SGMS1: variants seen among roughly 807,000 people sequenced by gnomAD.
SGMS1 encodes the protein phosphatidylcholine:ceramide cholinephosphotransferase 1.
A neutral mutation model predicts 46.2 loss-of-function variants in SGMS1; 13 were observed. That is an observed-to-expected ratio of 0.28 (90% CI 0.18 to 0.45). The LOEUF (loss-of-function observed/expected upper bound fraction) is 0.45, where lower values mean the gene tolerates loss of function less well. SGMS1 is among the 20% of genes least tolerant of loss of function. The pLI is 1.00. For missense variants in SGMS1, 324 were observed against 519.9 expected (o/e 0.62, Z 3.66); for synonymous variants, 203 against 187.8 (o/e 1.08, Z -0.66).
chr10:50,590,037 A>G (rs1157321160), intron 2 of SGMS1, 116 bp downstream of exon 2: 1 of 152,340 alleles, frequency 6.6e-6, no homozygotes, highest in Non-Finnish European at 1.5e-5. Context: ...CAAAATGCTA[A>G]TAACTGTTAA....
intron 8 of SGMS1, among the ~76,000 whole-genome samples, chr10:50,321,297 G>C (rs1847439280): frequency 6.6e-6 from 1 of 152,184 alleles, no homozygotes; most frequent in Non-Finnish European, 1.5e-5. Context: ...ATACTGAATT[G>C]TTAATAGTAG....
chr10:50,454,986 C>G (rs1349271868), intron 5 of SGMS1, among the ~76,000 whole-genome samples: 1 of 152,192 alleles, frequency 6.6e-6, no homozygotes, highest in Non-Finnish European at 1.5e-5. Context: ...TTACCTCCCT[C>G]TTTATTACTT....
rs780069182 is a variant in SGMS1, at chr10:50,327,283, C to A, written c.663G>T (p.Thr221=). The change falls in exon 8 of 11, where the codon ACG becomes ACT. Residue 221 remains threonine, a synonymous_variant. Coordinates refer to ENST00000361781, the MANE Select transcript of SGMS1 (RefSeq NM_147156.4). ...TTGTAATACACCGATACAGGTACAGCGTGCCAACTATGCAGAAAAATCTTC... is the reference window on the plus strand; with the variant it reads ...TTGTAATACACCGATACAGGTACAGAGTGCCAACTATGCAGAAAAATCTTC... The part of the protein sequence containing the change: ...ISRRFFCIVG[T]LYLYRCITMY... 2.5e-6 allele frequency: 4 copies of A among 1,609,468 alleles called. No homozygotes were observed. The highest frequency in any genetic ancestry group is 3.4e-6 in the Non-Finnish European group (4 of 1,177,764).
chr10:50,432,068 A>G (rs2133616708), intron 6 of SGMS1, among the ~76,000 whole-genome samples: 1 of 152,308 alleles, frequency 6.6e-6, no homozygotes, highest in Non-Finnish European at 1.5e-5. Flanking sequence ...TCATCAAATG[A>G]AACTCTTACC....
intron 6 of SGMS1, among the ~76,000 whole-genome samples, chr10:50,369,902 G>C (rs1394628957): frequency 6.6e-6 from 1 of 152,172 alleles, no homozygotes; most frequent in African/African-American, 2.4e-5. Context: ...TACATACCTA[G>C]GCTGTATGGT....
chr10:50,440,187 G>A (rs1378114040), intron 5 of SGMS1, among the ~76,000 whole-genome samples: 1 of 151,870 alleles, frequency 6.6e-6, no homozygotes, highest in African/African-American at 2.4e-5. Context: ...GTAGCAATGA[G>A]AGGTATCAAT....
chr10:50,398,867 T>C (rs963520792), intron 6 of SGMS1, among the ~76,000 whole-genome samples: 33 of 152,240 alleles, frequency 2.2e-4, no homozygotes, highest in African/African-American at 6.5e-4. Context: ...AGGAGTTGTA[T>C]ATAGGCCAAA....
chr10:50,551,331 A>G (rs1838147128), intron 2 of SGMS1, among the ~76,000 whole-genome samples: 1 of 151,486 alleles, frequency 6.6e-6, no homozygotes, highest in Non-Finnish European at 1.5e-5. Context: ...ATTAAGGGAC[A>G]TTCTATGAAA....
chr10:50,594,065 G>A (rs970532921), intron 1 of SGMS1, among the ~76,000 whole-genome samples: 2 of 152,148 alleles, frequency 1.3e-5, no homozygotes, highest in South Asian at 2.1e-4. Flanking sequence ...CTCTTTAGCC[G>A]CCTTTCCAGT....
chr10:50,583,405 C>G (rs921237083), intron 2 of SGMS1, among the ~76,000 whole-genome samples: 3 of 152,222 alleles, frequency 2.0e-5, no homozygotes, highest in Admixed American at 6.5e-5. Context: ...TCCCAGCTAT[C>G]ATCAGTTCAT....
At chr10:50,348,106 G>T (rs1295592735) in intron 6 of SGMS1, among the ~76,000 whole-genome samples, 1 of 152,230 alleles carries the variant, frequency 6.6e-6, no homozygotes, top group East Asian at 1.9e-4. Flanking sequence ...GTGAGAACAT[G>T]TGGTTTTTGG....
At chr10:50,625,141 C>T, upstream of SGMS1, 2 of 866,914 alleles carry the variant, frequency 2.3e-6, no homozygotes, top group Non-Finnish European at 1.4e-6. Flanking sequence ...AGGACAGGTT[C>T]TCGCCCGGGC....
At chr10:50,602,965 T>C (rs1588889747) in intron 1 of SGMS1, among the ~76,000 whole-genome samples, 1 of 152,148 alleles carries the variant, frequency 6.6e-6, no homozygotes, top group South Asian at 2.1e-4. Flanking sequence ...AAGGTGAAAA[T>C]GAACGAGTTT....
At position 50,530,176 on chromosome 10, in the gene SGMS1, A is replaced by T. The variant is rs142220694; in HGVS notation, c.-588-10255T>A. 3.3e-3 allele frequency among the ~76,000 whole-genome samples: 508 copies of T among 152,254 alleles called. 2 individuals are homozygous for T. Among genetic ancestry groups the T allele is most frequent in the African/African-American group, 0.011 (475 of 41,548 alleles). ...ATTATTTTAGATGAGCTTCATCAGA[A>T]TTTTTTTGGCCCTAGTGTTTCCTCC... On this transcript the variant is annotated intron_variant, in intron 2 of 10. Coordinates refer to ENST00000361781, the MANE Select transcript of SGMS1 (RefSeq NM_147156.4).
intron 3 of SGMS1, among the ~76,000 whole-genome samples, chr10:50,481,498 T>A (rs949959583): frequency 5.3e-5 from 8 of 151,444 alleles, no homozygotes; most frequent in African/African-American, 1.9e-4. Flanking sequence ...AACAACAACA[T>A]CAACAAAAAA....
chr10:50,582,452 G>A (rs566983314), intron 2 of SGMS1, among the ~76,000 whole-genome samples: 1 of 152,246 alleles, frequency 6.6e-6, no homozygotes, highest in Non-Finnish European at 1.5e-5. Context: ...GCACTCTGCA[G>A]TGGTCCAAAC....
chr10:50,612,058 C>T (rs1054499763), intron 1 of SGMS1, among the ~76,000 whole-genome samples: 185 of 152,362 alleles, frequency 1.2e-3, no homozygotes, highest in African/African-American at 4.3e-3. Context: ...CCCTCCCCAC[C>T]ACTTCCTTAG....
At chr10:50,377,594 CT>C (rs1410116923) in intron 6 of SGMS1, among the ~76,000 whole-genome samples, 6 of 152,136 alleles carry the variant, frequency 3.9e-5, no homozygotes, top group Non-Finnish European at 7.4e-5. Context: ...AGATTTTGGA[CT>C]CTATCTTGAA....
intron 2 of SGMS1, among the ~76,000 whole-genome samples, chr10:50,556,637 G>A (rs113241495): frequency 0.012 from 1,775 of 152,282 alleles, 29 homozygotes; most frequent in African/African-American, 0.041. Context: ...CCGTAGGCCC[G>A]CACAGACGCA....
Sources: allele counts gnomAD v4.1 joint callset (sites outside exome capture counted in the v4.1 genomes callset), GRCh38; gene constraint gnomAD v4.1.1; transcripts MANE v1.5; gene names NCBI Gene and HGNC (gene_info 2026-07-23, HGNC 2026-07-21).